Variants in APPL1 observed in about 807,000 individuals in gnomAD.
APPL1 encodes the protein DCC-interacting protein 13-alpha.
In APPL1, 42 loss-of-function variants were observed where a neutral mutation model predicts 106.8. That is an observed-to-expected ratio of 0.39 (90% CI 0.31 to 0.51). The LOEUF (loss-of-function observed/expected upper bound fraction) is 0.51. Ranked by LOEUF, APPL1 falls within the 20% of genes least tolerant of loss-of-function variation. The pLI, the probability that APPL1 is intolerant of heterozygous loss-of-function variation, is 0.75. For missense variants in APPL1, 769 were observed against 858.2 expected (o/e 0.90, Z 1.30); for synonymous variants, 263 against 281.8 (o/e 0.93, Z 0.67).
intron 9 of APPL1, 56 bp from the exon 10 acceptor site, chr3:57,248,137 T>C: frequency 6.6e-7 from 1 of 1,524,824 alleles, no homozygotes; most frequent in Non-Finnish European, 8.9e-7. Context: ...TAAACATGAT[T>C]GGTAAGGAGT....
At chr3:57,267,478 T>C (rs1340603501) in intron 19 of APPL1, among the ~76,000 whole-genome samples, 1 of 152,218 alleles carries the variant, frequency 6.6e-6, no homozygotes, top group Non-Finnish European at 1.5e-5. Flanking sequence ...TTCTTCCTCG[T>C]AGGCCTTACT....
At chr3:57,234,714 G>T (rs1352412394) in intron 1 of APPL1, among the ~76,000 whole-genome samples, 1 of 152,006 alleles carries the variant, frequency 6.6e-6, no homozygotes, top group Non-Finnish European at 1.5e-5. Context: ...GAAGTGCAGT[G>T]GCGTGATCTC....
rs1437115485 is a variant in APPL1 at position 57,271,439 on chromosome 3, G to GTT, written c.*1753_*1754dup. The GTT allele has an allele frequency of 6.6e-6, 1 of 152,570 alleles. No individual in the cohort carries two copies. Among genetic ancestry groups the GTT allele is most frequent in the African/African-American group, 2.4e-5 (1 of 41,448 alleles). The allele number at this position is 152,570 out of a possible 1,614,324, so 9.5% of individuals were successfully genotyped here. A position where few individuals can be genotyped will look rare whatever the true frequency, so the allele number is the denominator to read the frequency against. On this transcript the variant is annotated 3_prime_UTR_variant, in exon 22 of 22. Coordinates refer to ENST00000288266, the MANE Select transcript of APPL1 (RefSeq NM_012096.3). Reference sequence around the variant, plus strand: ...GGAATGCTTTCACAATAGTGTATCAGTTCTTTTGTTTTGTTAAAGTTGGAA... The same window carrying GTT: ...GGAATGCTTTCACAATAGTGTATCAGTTTTCTTTTGTTTTGTTAAAGTTGGAA...
At chr3:57,266,661 A>T (rs1349741709) in intron 19 of APPL1, among the ~76,000 whole-genome samples, 3 of 152,096 alleles carry the variant, frequency 2.0e-5, no homozygotes, top group South Asian at 2.1e-4. Context: ...TGTTTTCTTC[A>T]TGTCAGATTC....
chr3:57,258,336 C>G (rs749970247), intron 15 of APPL1, among the ~76,000 whole-genome samples: 2 of 152,138 alleles, frequency 1.3e-5, no homozygotes, highest in African/African-American at 4.8e-5. Context: ...TTTTAAATTT[C>G]TTTGGTAGAG....
At position 57,238,223 on chromosome 3, in the gene APPL1, A is replaced by T. The variant is rs1173517800; in HGVS notation, c.285+107A>T. On this transcript the variant is annotated intron_variant, in intron 4 of 21. Transcript: ENST00000288266. The stretch of plus-strand genomic sequence containing the variant: ...AGCTCTATTAAAGAGATGACTAAAG[A>T]GGAACCTTAATTCCACATCCTGGTG... 4.0e-6 allele frequency: 3 copies of T among 741,196 alleles called. No individual in the cohort carries two copies. In the East Asian group the frequency reaches 8.6e-5, roughly 21 times the overall value. The allele number at this position is 741,196 out of a possible 1,614,324, so 45.9% of individuals were successfully genotyped here.
At chr3:57,269,463 A>G (rs1373942541) in intron 21 of APPL1, 78 bp from the exon 22 acceptor site, 1 of 1,470,624 alleles carries the variant, frequency 6.8e-7, no homozygotes, top group African/African-American at 1.4e-5. Flanking sequence ...AGTGGCTCTC[A>G]AGAATGTATC....
Position 57,227,781 on chromosome 3 carries a change from C to T in APPL1, c.-103C>T, listed in dbSNP as rs935374333. The stretch of plus-strand genomic sequence containing the variant: ...CTGTGCGGGCGGGGACGGCTGCAGC[C>T]CTTGCCGGAGAGGGCGGGCCGGGGT... On this transcript the variant is annotated 5_prime_UTR_variant, in exon 1 of 22. Coordinates refer to ENST00000288266, the MANE Select transcript of APPL1 (RefSeq NM_012096.3). The T allele has an allele frequency of 5.7e-6, 6 of 1,045,894 alleles. No individual in the cohort carries two copies. The highest frequency in any genetic ancestry group is 3.3e-5 in the African/African-American group (2 of 59,756). The allele number at this position is 1,045,894 out of a possible 1,614,324, so 64.8% of individuals were successfully genotyped here.
chr3:57,267,939 A>C, intron 20 of APPL1, 147 bp downstream of exon 20: 1 of 797,464 alleles, frequency 1.3e-6, no homozygotes, highest in Non-Finnish European at 2.0e-6. Context: ...TAAAAATACA[A>C]AAATTAGTTG....
chr3:57,269,878 A>C lies in APPL1; in HGVS notation c.*191A>C. On this transcript the variant is annotated 3_prime_UTR_variant, in exon 22 of 22. Transcript: ENST00000288266. ...TTGCATTGATCTTTTTTCCCCCTTA[A>C]ACATAATGTACTATGTATTAACATC... is the stretch of plus-strand genomic sequence containing the variant. 1 of 602,030 alleles carries C rather than the reference A, an allele frequency of 1.7e-6. No individual in the cohort carries two copies. Among genetic ancestry groups the C allele is most frequent in the Non-Finnish European group, 2.8e-6 (1 of 362,982 alleles). The allele number at this position is 602,030 out of a possible 1,614,324, so 37.3% of individuals were successfully genotyped here.
intron 2 of APPL1, among the ~76,000 whole-genome samples, chr3:57,236,548 G>A (rs1407117256): frequency 1.3e-5 from 2 of 151,884 alleles, no homozygotes; most frequent in Non-Finnish European, 2.9e-5. Flanking sequence ...GGCTGGTCTC[G>A]AACTCCTGAC....
rs1420920788 is a variant in APPL1 at position 57,270,475 on chromosome 3, AT to A, written c.*792del. 6.6e-6 allele frequency: 1 copy of A among 152,642 alleles called. No individual in the cohort carries two copies. Among genetic ancestry groups the A allele is most frequent in the Non-Finnish European group, 1.5e-5 (1 of 68,030 alleles). 9.5% of individuals were successfully genotyped at this position (152,642 alleles called of 1,614,324 possible). On this transcript the variant is annotated 3_prime_UTR_variant, in exon 22 of 22. Coordinates refer to ENST00000288266, the MANE Select transcript of APPL1 (RefSeq NM_012096.3). ...TTATTAAAAGATTTTTGTTCAATACATTTTAGATTAGGATTGACAAGTAAAG... is the reference window on the plus strand; with the variant it reads ...TTATTAAAAGATTTTTGTTCAATACATTTAGATTAGGATTGACAAGTAAAG...
intron 10 of APPL1, among the ~76,000 whole-genome samples, chr3:57,248,608 G>A (rs2060787300): frequency 6.6e-6 from 1 of 152,074 alleles, no homozygotes; most frequent in Admixed American, 6.6e-5. Context: ...GGTGGCTCAC[G>A]CCTGTGATCC....
Position 57,247,436 on chromosome 3 carries a change from A to T in APPL1, c.663A>T (p.Gln221His). The change falls in exon 9 of 22, where the codon CAA (glutamine) becomes CAT (histidine). Residue 221 changes from glutamine (Q) to histidine (H), a missense_variant. Coordinates refer to ENST00000288266, the MANE Select transcript of APPL1 (RefSeq NM_012096.3). The part of the protein sequence containing the change: ...FKMGSENLNE[Q>H]LEEFLANIGT... ...TGGGTTCTGAAAATCTTAATGAACA[A>T]CTGGAAGAATTTTTAGCTAATATTG... 3 of 1,611,812 alleles carry T rather than the reference A, an allele frequency of 1.9e-6. No homozygotes were observed. Among genetic ancestry groups the T allele is most frequent in the Admixed American group, 3.3e-5 (2 of 59,918 alleles).
At chr3:57,251,192 T>C (rs968048632) in intron 11 of APPL1, among the ~76,000 whole-genome samples, 34 of 151,334 alleles carry the variant, frequency 2.2e-4, no homozygotes, top group African/African-American at 7.5e-4. Flanking sequence ...CATTAAGATA[T>C]TATAAAAATA....
At chr3:57,248,486 T>C (rs2060786729) in intron 10 of APPL1, 135 bp downstream of exon 10, 7 of 979,998 alleles carry the variant, frequency 7.1e-6, no homozygotes, top group Non-Finnish European at 1.0e-5. Context: ...TTAGTATTTA[T>C]GTGAACTTTT....
Position 57,269,801 on chromosome 3 carries a change from T to C in APPL1, c.*114T>C, listed in dbSNP as rs1237825247. On this transcript the variant is annotated 3_prime_UTR_variant, in exon 22 of 22. Coordinates refer to ENST00000288266, the MANE Select transcript of APPL1 (RefSeq NM_012096.3). ...GGAGGAGATTAAGCTTTATATTTGC[T>C]TATTTGTTGTAGCTACATTTTAAAA... 4.1e-6 allele frequency: 5 copies of C among 1,206,776 alleles called. No homozygotes were observed. Among genetic ancestry groups the C allele is most frequent in the Non-Finnish European group, 5.8e-6 (5 of 862,214 alleles). 74.8% of individuals were successfully genotyped at this position (1,206,776 alleles called of 1,614,324 possible).
At chr3:57,261,152 C>T (rs1292403213) in intron 19 of APPL1, among the ~76,000 whole-genome samples, 1 of 152,158 alleles carries the variant, frequency 6.6e-6, no homozygotes, top group Non-Finnish European at 1.5e-5. Flanking sequence ...TGTCATTCCA[C>T]ACTCTGCCTC....
chr3:57,250,804 CT>C (rs71088045), intron 11 of APPL1, among the ~76,000 whole-genome samples: 6,179 of 110,150 alleles, frequency 0.056, 43 homozygotes, highest in Middle Eastern at 0.12. Flanking sequence ...AACTTTCTTT[CT>C]TTTTTTTTTT....
Sources: allele counts gnomAD v4.1 joint callset (sites outside exome capture counted in the v4.1 genomes callset), GRCh38; gene constraint gnomAD v4.1.1; transcripts MANE v1.5; gene names NCBI Gene and HGNC (gene_info 2026-07-23, HGNC 2026-07-21).